Variants in VSTM5 observed in about 807,000 individuals in gnomAD.
VSTM5 encodes the protein V-set and transmembrane domain containing 5, also known as V-set and transmembrane domain-containing protein 5.
In VSTM5, 21 loss-of-function variants were observed where a neutral mutation model predicts 20.3. The observed-to-expected ratio is 1.03, with a 90% CI of 0.73 to 1.49. VSTM5 has a LOEUF of 1.49. Among genes scored for constraint, VSTM5 ranks in the 40% most tolerant of loss-of-function variants. The pLI is 0.00. For synonymous variants in VSTM5, 100 were observed against 102.5 expected (o/e 0.98, Z 0.14); for missense variants, 219 against 250.0 (o/e 0.88, Z 0.84).
chr11:93,845,580 TC>T (rs1214189862), intron 1 of VSTM5, among the ~76,000 whole-genome samples: 2 of 152,004 alleles, frequency 1.3e-5, no homozygotes, highest in Non-Finnish European at 2.9e-5. Context: ...TCCCCATCCC[TC>T]CCACTCTCAT....
chr11:93,833,754 T>C (rs185759951), intron 1 of VSTM5, among the ~76,000 whole-genome samples: 1 of 152,298 alleles, frequency 6.6e-6, no homozygotes, highest in Non-Finnish European at 1.5e-5. Context: ...TTTCTCTTCA[T>C]TCTTTAAACA....
intron 1 of VSTM5, among the ~76,000 whole-genome samples, chr11:93,834,909 G>A (rs1944312054): frequency 6.6e-6 from 1 of 152,060 alleles, no homozygotes; most frequent in African/African-American, 2.4e-5. Context: ...CTTCATGAAT[G>A]AACGAACCCA....
At chr11:93,826,296 G>A (rs1944237380) in intron 1 of VSTM5, among the ~76,000 whole-genome samples, 1 of 151,876 alleles carries the variant, frequency 6.6e-6, no homozygotes, top group Non-Finnish European at 1.5e-5. Flanking sequence ...CAAACCTTTA[G>A]TTTTCTGACC....
intron 1 of VSTM5, among the ~76,000 whole-genome samples, chr11:93,843,022 C>T (rs140711124): frequency 5.9e-5 from 9 of 151,630 alleles, no homozygotes; most frequent in Admixed American, 2.0e-4. Flanking sequence ...TCCTGGGAGG[C>T]GGAGGTTGCA....
In VSTM5 at chr11:93,850,417, A is replaced by G; in HGVS notation, c.86T>C (p.Leu29Pro). The change falls in exon 1 of 4, where the codon CTG becomes CCG. Residue 29 changes from leucine (L) to proline (P), a missense_variant. By Grantham distance (98) the Leu-to-Pro change is moderately conservative. Transcript: ENST00000409977. Reference sequence around the variant, plus strand: ...GGGCGTCCCCCGGAGCTTACTCTGCAGACAGCGGGCTGCGGCCAGGCAGAG... The same window carrying G: ...GGGCGTCCCCCGGAGCTTACTCTGCGGACAGCGGGCTGCGGCCAGGCAGAG... ...FALCLAAARC[L>P]QSQGVSLYIP... The G allele has an allele frequency of 6.5e-7, 1 of 1,547,458 alleles. No homozygotes were observed. The highest frequency in any genetic ancestry group is 8.7e-7 in the Non-Finnish European group (1 of 1,145,314).
At chr11:93,841,671 G>A (rs1944371277) in intron 1 of VSTM5, among the ~76,000 whole-genome samples, 2 of 152,238 alleles carry the variant, frequency 1.3e-5, no homozygotes, top group African/African-American at 4.8e-5. Flanking sequence ...AGGGCGAAGA[G>A]GACACCAAGG....
intron 1 of VSTM5, among the ~76,000 whole-genome samples, chr11:93,838,271 G>C (rs1408768545): frequency 6.6e-6 from 1 of 151,902 alleles, no homozygotes; most frequent in Non-Finnish European, 1.5e-5. Flanking sequence ...CCAGAAGTTC[G>C]AGACCAGCCT....
intron 1 of VSTM5, among the ~76,000 whole-genome samples, chr11:93,822,486 C>G (rs915219955): frequency 3.4e-5 from 5 of 148,676 alleles, no homozygotes; most frequent in African/African-American, 1.2e-4. Context: ...ACTTTGTTTT[C>G]TGTTTTGTTT....
At chr11:93,829,805 A>T (rs1944267139) in intron 1 of VSTM5, among the ~76,000 whole-genome samples, 1 of 152,138 alleles carries the variant, frequency 6.6e-6, no homozygotes. Context: ...ACAGCTGGGG[A>T]CAGGCTCATC....
chr11:93,838,147 C>G (rs116041474), intron 1 of VSTM5, among the ~76,000 whole-genome samples: 4 of 151,916 alleles, frequency 2.6e-5, no homozygotes, highest in African/African-American at 7.3e-5. Flanking sequence ...TTCCCCTTTC[C>G]GAGCCACTTC....
Position 93,850,398 on chromosome 11 carries a change from C to A in VSTM5, c.91+14G>T. On this transcript the variant is annotated intron_variant, in intron 1 of 3. Transcript: ENST00000409977. ...CCCGCTCCCCCAGCACCCGGGGCGT[C>A]CCCCGGAGCTTACTCTGCAGACAGC... is the stretch of plus-strand genomic sequence containing the variant. 2 of 1,545,144 alleles carry A rather than the reference C, an allele frequency of 1.3e-6. No homozygotes were observed. Among genetic ancestry groups the A allele is most frequent in the Middle Eastern group, 1.7e-4 (1 of 5,958 alleles).
intron 1 of VSTM5, among the ~76,000 whole-genome samples, chr11:93,828,572 A>T (rs561403468): frequency 6.6e-6 from 1 of 152,348 alleles, no homozygotes; most frequent in South Asian, 2.1e-4. Flanking sequence ...GATGGCAAGA[A>T]TATAAACTAA....
At chr11:93,831,078 G>C (rs967777031) in intron 1 of VSTM5, among the ~76,000 whole-genome samples, 9 of 151,446 alleles carry the variant, frequency 5.9e-5, no homozygotes, top group Non-Finnish European at 1.3e-4. Context: ...TTTTTGTTTT[G>C]AGACACAGTC....
intron 1 of VSTM5, among the ~76,000 whole-genome samples, chr11:93,824,690 A>G (rs1007165508): frequency 1.3e-5 from 2 of 152,096 alleles, no homozygotes; most frequent in Admixed American, 6.5e-5. Flanking sequence ...CCACTTACTC[A>G]TTTTTGGTTT....
intron 1 of VSTM5, among the ~76,000 whole-genome samples, chr11:93,848,851 G>A (rs1368202063): frequency 2.0e-5 from 3 of 152,156 alleles, no homozygotes; most frequent in African/African-American, 4.8e-5. Flanking sequence ...AGCATGAGGG[G>A]TATCTGAACA....
At chr11:93,840,891 G>A (rs1468746454) in intron 1 of VSTM5, among the ~76,000 whole-genome samples, 1 of 151,650 alleles carries the variant, frequency 6.6e-6, no homozygotes, top group Non-Finnish European at 1.5e-5. Flanking sequence ...TCCTAAAGCT[G>A]AATCAAGAGA....
intron 1 of VSTM5, among the ~76,000 whole-genome samples, chr11:93,830,897 C>T (rs1386593014): frequency 6.6e-6 from 1 of 151,708 alleles, no homozygotes; most frequent in Non-Finnish European, 1.5e-5. Flanking sequence ...GGACCACAGG[C>T]GTATTGGCCA....
chr11:93,820,494 T>C lies in VSTM5; in HGVS notation c.*75A>G, dbSNP rs1453717973. 7 of 1,502,312 alleles carry C rather than the reference T, an allele frequency of 4.7e-6. No individual in the cohort carries two copies. In the Admixed American group the frequency reaches 5.9e-5, roughly 13 times the overall value. 93.1% of individuals were successfully genotyped at this position (1,502,312 alleles called of 1,614,324 possible). On this transcript the variant is annotated 3_prime_UTR_variant, in exon 4 of 4. Coordinates refer to ENST00000409977, the MANE Select transcript of VSTM5 (RefSeq NM_001144871.2). Reference sequence around the variant, plus strand: ...GCAACAGGACCACACACAATGGGTATAATAGCTGTGCTTGCTCTTTTTGTT... The same window carrying C: ...GCAACAGGACCACACACAATGGGTACAATAGCTGTGCTTGCTCTTTTTGTT...
At chr11:93,838,514 G>A (rs887149430) in intron 1 of VSTM5, among the ~76,000 whole-genome samples, 7 of 150,876 alleles carry the variant, frequency 4.6e-5, no homozygotes, top group Admixed American at 1.3e-4. Flanking sequence ...CAACCAGGCC[G>A]AGCACAGTGG....
Sources: allele counts gnomAD v4.1 joint callset (sites outside exome capture counted in the v4.1 genomes callset), GRCh38; gene constraint gnomAD v4.1.1; transcripts MANE v1.5; gene names NCBI Gene and HGNC (gene_info 2026-07-23, HGNC 2026-07-21).